PKIB: variants seen among roughly 807,000 people sequenced by gnomAD.
PKIB encodes the protein PKI-beta.
In PKIB, 2 loss-of-function variants were observed where a neutral mutation model predicts 4.5. That is an observed-to-expected ratio of 0.44 (90% CI 0.18 to 1.39). The LOEUF (loss-of-function observed/expected upper bound fraction) is 1.39. Ranked by LOEUF, PKIB falls within the 40% of genes most tolerant of loss-of-function variation. The probability of loss-of-function intolerance (pLI) is 0.27; values close to 1 mark genes in which losing one functional copy is unlikely to be tolerated. For missense variants in PKIB, 94 were observed against 92.6 expected, an observed-to-expected ratio of 1.02 and a Z score of -0.06; for synonymous variants, 38 against 36.0, an observed-to-expected ratio of 1.06 and a Z score of -0.20.
chr6:122,483,354 G>T lies in PKIB; in HGVS notation c.-248+5415G>T, dbSNP rs558593239. ...AAACATCCCCTGAATACATTAGAAT[G>T]AATGCTACTGAAAACAGAAATAATT... On this transcript the variant is annotated intron_variant, in intron 2 of 6. Transcript: ENST00000392491. The T allele has an allele frequency of 5.3e-5, 8 of 152,110 alleles. 1 individual carries two copies. The highest frequency in any genetic ancestry group is 1.2e-4 in the Non-Finnish European group (8 of 68,010). The allele number at this position is 152,110 out of a possible 1,614,324, so 9.4% of individuals were successfully genotyped here.
chr6:122,488,501 G>T (rs1775836568), intron 2 of PKIB, among the ~76,000 whole-genome samples: 1 of 151,884 alleles, frequency 6.6e-6, no homozygotes, highest in Non-Finnish European at 1.5e-5. Context: ...TACCATCATG[G>T]TTCACTGCAG....
chr6:122,522,436 A>C (rs1442469973), intron 2 of PKIB, among the ~76,000 whole-genome samples: 1 of 152,044 alleles, frequency 6.6e-6, no homozygotes, highest in African/African-American at 2.4e-5. Flanking sequence ...GTACAAGAAA[A>C]CCAAAACAAA....
At chr6:122,667,387 A>G (rs1777266654) in intron 2 of PKIB, among the ~76,000 whole-genome samples, 3 of 152,084 alleles carry the variant, frequency 2.0e-5, no homozygotes, top group Non-Finnish European at 4.4e-5. Context: ...AATACAAAAA[A>G]TTAGCTGGGC....
At chr6:122,472,666 A>G (rs1026819523) in intron 1 of PKIB, among the ~76,000 whole-genome samples, 1 of 152,224 alleles carries the variant, frequency 6.6e-6, no homozygotes, top group African/African-American at 2.4e-5. Flanking sequence ...CAAAAATTGC[A>G]TGGGTCGAGG....
intron 2 of PKIB, among the ~76,000 whole-genome samples, chr6:122,578,949 A>G (rs1773627821): frequency 6.6e-6 from 1 of 152,206 alleles, no homozygotes; most frequent in South Asian, 2.1e-4. Context: ...CATGTAAAGA[A>G]GAACATGTTA....
chr6:122,535,609 A>G (rs908549921), intron 2 of PKIB, among the ~76,000 whole-genome samples: 1 of 152,134 alleles, frequency 6.6e-6, no homozygotes, highest in Non-Finnish European at 1.5e-5. Flanking sequence ...TCCTGCTTGC[A>G]CTTGCTGACT....
intron 2 of PKIB, among the ~76,000 whole-genome samples, chr6:122,521,807 A>G (rs920930953): frequency 6.6e-6 from 1 of 152,178 alleles, no homozygotes; most frequent in South Asian, 2.1e-4. Context: ...CAAATGCCAA[A>G]TGACCATAGA....
At chr6:122,571,428 A>G (rs1049735470) in intron 2 of PKIB, among the ~76,000 whole-genome samples, 6 of 152,230 alleles carry the variant, frequency 3.9e-5, no homozygotes, top group African/African-American at 1.4e-4. Context: ...CAAAAAGATT[A>G]TCACCAAAGC....
At chr6:122,488,614 T>G (rs1487925279) in intron 2 of PKIB, among the ~76,000 whole-genome samples, 1 of 152,006 alleles carries the variant, frequency 6.6e-6, no homozygotes, top group African/African-American at 2.4e-5. Context: ...ATTTTTTTTT[T>G]GTAGAAATGG....
At chr6:122,539,747 G>T (rs576719607) in intron 2 of PKIB, among the ~76,000 whole-genome samples, 91 of 152,048 alleles carry the variant, frequency 6.0e-4, no homozygotes, top group Non-Finnish European at 1.2e-3. Flanking sequence ...AATAGTTTCA[G>T]AAGGAATGGT....
intron 2 of PKIB, among the ~76,000 whole-genome samples, chr6:122,650,700 A>G (rs1206896336): frequency 6.6e-6 from 1 of 152,174 alleles, no homozygotes. Context: ...AAGGATGACC[A>G]CAGAGCTCTT....
chr6:122,541,890 T>G (rs1417573957), intron 2 of PKIB, among the ~76,000 whole-genome samples: 2 of 152,034 alleles, frequency 1.3e-5, no homozygotes, highest in East Asian at 3.9e-4. Context: ...TTCTTTTTAT[T>G]CTTTTTTCTC....
chr6:122,571,137 G>A (rs542044031), intron 2 of PKIB, among the ~76,000 whole-genome samples: 16 of 152,142 alleles, frequency 1.1e-4, no homozygotes, highest in East Asian at 3.9e-4. Context: ...ACAAGAACAC[G>A]TAGAATAAAT....
chr6:122,611,428 A>G (rs768725374), intron 1 of PKIB, among the ~76,000 whole-genome samples: 1 of 151,774 alleles, frequency 6.6e-6, no homozygotes, highest in Non-Finnish European at 1.5e-5. Flanking sequence ...AAACAACAAA[A>G]CACCCTGCAG....
chr6:122,488,854 A>ATCTGTCTATC (rs1325625281), intron 2 of PKIB, among the ~76,000 whole-genome samples: 1 of 152,116 alleles, frequency 6.6e-6, no homozygotes, highest in Non-Finnish European at 1.5e-5. Flanking sequence ...TTCTGTATCT[A>ATCTGTCTATC]TCTGTCTATC....
chr6:122,603,606 G>A (rs1774441382), intron 3 of PKIB, among the ~76,000 whole-genome samples: 1 of 152,006 alleles, frequency 6.6e-6, no homozygotes, highest in Admixed American at 6.6e-5. Flanking sequence ...AGACTCTCTG[G>A]AGTAGCTGCA....
At chr6:122,716,213 T>C (rs765209172) in intron 3 of PKIB, among the ~76,000 whole-genome samples, 2 of 152,232 alleles carry the variant, frequency 1.3e-5, no homozygotes, top group Non-Finnish European at 2.9e-5. Context: ...AGAGTTCATT[T>C]ATTCTTTATC....
intron 3 of PKIB, among the ~76,000 whole-genome samples, chr6:122,604,869 G>A (rs1369233417): frequency 6.6e-6 from 1 of 152,162 alleles, no homozygotes; most frequent in African/African-American, 2.4e-5. Context: ...GACTACAATG[G>A]TAATGAAGGA....
At chr6:122,490,050 C>G (rs186470645) in intron 2 of PKIB, among the ~76,000 whole-genome samples, 5 of 152,172 alleles carry the variant, frequency 3.3e-5, no homozygotes, top group Admixed American at 6.5e-5. Flanking sequence ...AAATATGCAT[C>G]CAAGTTCTTC....
Sources: gnomAD v4.1 joint callset for allele counts (sites outside exome capture counted in the v4.1 genomes callset) on GRCh38, gnomAD v4.1.1 for gene constraint, MANE v1.5 for transcripts, NCBI Gene and HGNC (gene_info 2026-07-23, HGNC 2026-07-21) for gene names.